The following ABTB2 variants were observed in gnomAD, a reference collection of about 807,000 sequenced individuals.
The protein encoded by ABTB2 is ankyrin repeat and BTB domain containing 2, also known as ankyrin repeat and BTB/POZ domain-containing protein 2.
In ABTB2, 56 loss-of-function variants were observed where a neutral mutation model predicts 104.1. The ratio of observed to expected loss-of-function variants is 0.54; its 90% confidence interval spans 0.43 to 0.67. The LOEUF (loss-of-function observed/expected upper bound fraction) is 0.67, where lower values mean the gene tolerates loss of function less well. Among genes scored for constraint, ABTB2 ranks in the 30% least tolerant of loss-of-function variants. The probability of loss-of-function intolerance (pLI) is 0.00; values close to 1 mark genes in which losing one functional copy is unlikely to be tolerated. For synonymous variants in ABTB2, 606 were observed against 608.2 expected (o/e 1.00, Z 0.05); for missense variants, 1,279 against 1,407.7 (o/e 0.91, Z 1.46).
chr11:34,179,650 G>T (rs1338118024), intron 3 of ABTB2, among the ~76,000 whole-genome samples: 1 of 152,200 alleles, frequency 6.6e-6, no homozygotes, highest in Non-Finnish European at 1.5e-5. Context: ...TGGGCAGATC[G>T]TCATCCTCTG....
intron 1 of ABTB2, among the ~76,000 whole-genome samples, chr11:34,315,885 T>G (rs940628294): frequency 2.0e-5 from 3 of 152,118 alleles, no homozygotes; most frequent in African/African-American, 7.2e-5. Flanking sequence ...CATCTACCCC[T>G]CACAGTGGAG....
intron 1 of ABTB2, among the ~76,000 whole-genome samples, chr11:34,316,068 T>C (rs919841964): frequency 1.3e-4 from 20 of 152,266 alleles, no homozygotes; most frequent in African/African-American, 4.6e-4. Context: ...TGGGATCAAG[T>C]GGCCAGGGTT....
At chr11:34,291,906 T>C (rs1428269609) in intron 1 of ABTB2, among the ~76,000 whole-genome samples, 59 of 143,468 alleles carry the variant, frequency 4.1e-4, no homozygotes. Flanking sequence ...TAATAAGAGG[T>C]TTTTTTTTTT....
chr11:34,224,813 C>G (rs1239321284), intron 1 of ABTB2, among the ~76,000 whole-genome samples: 1 of 152,218 alleles, frequency 6.6e-6, no homozygotes, highest in Non-Finnish European at 1.5e-5. Flanking sequence ...CTCTGCCCCT[C>G]TCCTCTGGTT....
Position 34,165,340 on chromosome 11 carries a change from C to A in ABTB2, c.1772G>T (p.Gly591Val). 6.3e-7 allele frequency: 1 copy of A among 1,586,636 alleles called. No homozygotes were observed. The highest frequency in any genetic ancestry group is 2.3e-5 in the East Asian group (1 of 42,972). ...ISVVQLLLDA[G>V]AHVEGSAVNG... The stretch of plus-strand genomic sequence containing the variant: ...CACTGCCGAGCCCTCGACATGGGCA[C>A]CAGCATCCAGCAGCAACTGCCAGGG... The change falls in exon 8 of 17, where the codon GGT becomes GTT. Residue 591 changes from glycine (G) to valine (V), a missense_variant. By Grantham distance (109) the Gly-to-Val change is moderately radical. Coordinates refer to ENST00000435224, the MANE Select transcript of ABTB2 (RefSeq NM_145804.3).
chr11:34,285,180 C>T (rs1425554629), intron 1 of ABTB2, among the ~76,000 whole-genome samples: 1 of 152,104 alleles, frequency 6.6e-6, no homozygotes, highest in Admixed American at 6.6e-5. Context: ...GGAAACCCAA[C>T]CGAGGGGACC....
intron 11 of ABTB2, 92 bp from the exon 12 acceptor site, chr11:34,160,445 C>T (rs1852695106): frequency 2.2e-6 from 2 of 889,226 alleles, no homozygotes; most frequent in Non-Finnish European, 3.7e-6. Flanking sequence ...AAAGTCCAGG[C>T]CAGGAGTAGT....
At chr11:34,171,203 C>T (rs1159966460) in intron 4 of ABTB2, 132 bp from the exon 5 acceptor site, 6 of 931,220 alleles carry the variant, frequency 6.4e-6, no homozygotes, top group Non-Finnish European at 9.6e-6. Context: ...GAGTTATGAT[C>T]AGATCAGCAA....
intron 1 of ABTB2, among the ~76,000 whole-genome samples, chr11:34,244,883 C>T (rs1455940836): frequency 6.6e-6 from 1 of 151,968 alleles, no homozygotes; most frequent in Non-Finnish European, 1.5e-5. Context: ...TAGTGTGTGC[C>T]TGTGGTTCCA....
chr11:34,160,149 C>G, intron 12 of ABTB2, 99 bp downstream of exon 12: 1 of 1,320,922 alleles, frequency 7.6e-7, no homozygotes, highest in Non-Finnish European at 1.1e-6. Flanking sequence ...GGGGCCTTGG[C>G]GCTTGGAAAT....
intron 1 of ABTB2, among the ~76,000 whole-genome samples, chr11:34,265,089 G>A (rs1005141702): frequency 1.1e-4 from 16 of 152,162 alleles, no homozygotes; most frequent in African/African-American, 3.9e-4. Flanking sequence ...GCAAAGGAAA[G>A]GGCAATCTGG....
intron 1 of ABTB2, among the ~76,000 whole-genome samples, chr11:34,213,655 T>C (rs907651685): frequency 1.3e-5 from 2 of 152,200 alleles, no homozygotes; most frequent in African/African-American, 4.8e-5. Context: ...GATGCTACAT[T>C]GCTGTTTAAT....
chr11:34,282,350 G>A (rs1268175085), intron 1 of ABTB2, among the ~76,000 whole-genome samples: 1 of 152,108 alleles, frequency 6.6e-6, no homozygotes, highest in Non-Finnish European at 1.5e-5. Flanking sequence ...ATGTAGAAGA[G>A]CTGTATTTAT....
At chr11:34,200,786 A>G (rs533666347) in intron 2 of ABTB2, among the ~76,000 whole-genome samples, 1 of 152,344 alleles carries the variant, frequency 6.6e-6, no homozygotes, top group Non-Finnish European at 1.5e-5. Context: ...TCAATCAGCC[A>G]GGACTTGAAC....
intron 4 of ABTB2, among the ~76,000 whole-genome samples, chr11:34,172,435 T>TGTGTAG (rs1565131674): frequency 2.6e-5 from 2 of 77,176 alleles, no homozygotes; most frequent in African/African-American, 1.0e-4. Context: ...TGTGTGTGTG[T>TGTGTAG]ATATAGATAG....
At chr11:34,346,582 T>C (rs1855334777) in intron 1 of ABTB2, among the ~76,000 whole-genome samples, 1 of 152,190 alleles carries the variant, frequency 6.6e-6, no homozygotes, top group Non-Finnish European at 1.5e-5. Flanking sequence ...CCATCCTGGG[T>C]GTTTCTTTCC....
intron 4 of ABTB2, among the ~76,000 whole-genome samples, chr11:34,171,530 T>G (rs1852873773): frequency 6.6e-6 from 1 of 152,188 alleles, no homozygotes; most frequent in Admixed American, 6.5e-5. Context: ...GCCGAGATTG[T>G]GCCACTGTAC....
chr11:34,254,459 T>C (rs1854095473), intron 1 of ABTB2, among the ~76,000 whole-genome samples: 1 of 151,466 alleles, frequency 6.6e-6, no homozygotes, highest in Non-Finnish European at 1.5e-5. Context: ...TCATCATATT[T>C]CCCAGACCGG....
rs1469148372 is a variant in ABTB2 at position 34,349,200 on chromosome 11, G to A, written c.883+7501C>T. Reference sequence around the variant, plus strand: ...TATGATCTGTGGCTGAGGATTTGGCGGCTGCCACAAGCAGGGTCCAATATC... The same window carrying A: ...TATGATCTGTGGCTGAGGATTTGGCAGCTGCCACAAGCAGGGTCCAATATC... On this transcript the variant is annotated intron_variant, in intron 1 of 16. Transcript: ENST00000435224. 5.3e-5 allele frequency among the ~76,000 whole-genome samples: 8 copies of A among 152,126 alleles called. No individual in the cohort carries two copies. The East Asian group carries it at 7.7e-4, about 15-fold the overall frequency.
Sources: allele counts gnomAD v4.1 joint callset (sites outside exome capture counted in the v4.1 genomes callset), GRCh38; gene constraint gnomAD v4.1.1; transcripts MANE v1.5; gene names NCBI Gene and HGNC (gene_info 2026-07-23, HGNC 2026-07-21).